Variants in ZNF618 observed in about 807,000 individuals in gnomAD.
ZNF618 encodes zinc finger protein 618.
ZNF618 carries 34 observed loss-of-function variants against 103.0 expected under a neutral mutation model. The observed-to-expected ratio is 0.33, with a 90% confidence interval of 0.25 to 0.44. ZNF618 has a LOEUF of 0.44. ZNF618 is among the 20% of genes least tolerant of loss of function. The pLI is 1.00. For missense variants in ZNF618, 1,059 were observed against 1,295.4 expected (o/e 0.82, Z 2.80); for synonymous variants, 551 against 542.2 (o/e 1.02, Z -0.23).
At chr9:113,952,037 C>T (rs1459290799) in intron 1 of ZNF618, among the ~76,000 whole-genome samples, 2 of 152,112 alleles carry the variant, frequency 1.3e-5, no homozygotes, top group Non-Finnish European at 2.9e-5. Context: ...GGTTTGCCAT[C>T]AGTTATGTGG....
intron 1 of ZNF618, among the ~76,000 whole-genome samples, chr9:113,906,547 A>G (rs1014594870): frequency 6.6e-6 from 1 of 152,210 alleles, no homozygotes; most frequent in Non-Finnish European, 1.5e-5. Context: ...GAACCTACAA[A>G]TGCCACATAA....
At chr9:114,016,273 C>A in intron 9 of ZNF618, 2 of 1,067,518 alleles carry the variant, frequency 1.9e-6, no homozygotes, top group Non-Finnish European at 1.4e-6. Flanking sequence ...GATGAGGGGA[C>A]CCCGGGTGTG....
intron 13 of ZNF618, among the ~76,000 whole-genome samples, chr9:114,040,185 C>A (rs1156792798): frequency 6.6e-6 from 1 of 152,108 alleles, no homozygotes; most frequent in Non-Finnish European, 1.5e-5. Flanking sequence ...CTTACCCTGC[C>A]CTAGCACTTT....
intron 10 of ZNF618, among the ~76,000 whole-genome samples, chr9:114,021,611 T>C (rs530074659): frequency 6.6e-6 from 1 of 152,228 alleles, no homozygotes; most frequent in Non-Finnish European, 1.5e-5. Context: ...GTGCCTGTTA[T>C]TTAAAGTGTA....
chr9:114,026,566 A>G (rs1253454398), intron 10 of ZNF618, among the ~76,000 whole-genome samples: 1 of 152,220 alleles, frequency 6.6e-6, no homozygotes, highest in Middle Eastern at 3.2e-3. Context: ...GGTCACTGCC[A>G]TGGAGAGCAG....
At chr9:114,048,053 TCTGC>T (rs1483311843) in intron 14 of ZNF618, 59 bp downstream of exon 14, 1 of 1,395,948 alleles carries the variant, frequency 7.2e-7, no homozygotes, top group East Asian at 2.5e-5. Context: ...GTTGTTCCTC[TCTGC>T]CCCCCATTCC....
chr9:114,007,580 C>A, intron 7 of ZNF618, 141 bp downstream of exon 7: 1 of 731,004 alleles, frequency 1.4e-6, no homozygotes, highest in South Asian at 1.8e-5. Flanking sequence ...AGGGGAATGA[C>A]CAGCCCTGGA....
chr9:114,028,472 C>G, intron 10 of ZNF618: 1 of 535,192 alleles, frequency 1.9e-6, no homozygotes, highest in Non-Finnish European at 3.3e-6. Context: ...AGTCCAGAGA[C>G]TGGGCTGGTC....
chr9:113,884,774 CAG>C (rs3034065), intron 1 of ZNF618, among the ~76,000 whole-genome samples: 52,378 of 141,116 alleles, frequency 0.37, 9,572 homozygotes, highest in South Asian at 0.49. Flanking sequence ...CACAAACACA[CAG>C]AGAGAGAGAG....
chr9:114,030,193 G>C (rs1384473237), intron 11 of ZNF618, among the ~76,000 whole-genome samples: 1 of 152,194 alleles, frequency 6.6e-6, no homozygotes, highest in Non-Finnish European at 1.5e-5. Context: ...TTGGGCAAGG[G>C]CGTGATTCTT....
intron 3 of ZNF618, among the ~76,000 whole-genome samples, chr9:113,996,829 G>A (rs1322173346): frequency 3.3e-5 from 5 of 152,156 alleles, no homozygotes; most frequent in Non-Finnish European, 7.4e-5. Context: ...TAAGGAAAGT[G>A]CCATGACTGA....
chr9:114,016,819 G>C (rs1288611346), intron 10 of ZNF618, 35 bp downstream of exon 10: 1 of 1,562,180 alleles, frequency 6.4e-7, no homozygotes, highest in Non-Finnish European at 8.8e-7. Context: ...TGGGGGTTGG[G>C]GGACCCGGGA....
At chr9:114,034,043 T>G (rs1844353720) in intron 12 of ZNF618, among the ~76,000 whole-genome samples, 1 of 152,238 alleles carries the variant, frequency 6.6e-6, no homozygotes, top group Non-Finnish European at 1.5e-5. Flanking sequence ...ATTCCTCCTC[T>G]GCTGTAAAGT....
chr9:113,892,876 T>A (rs1829729304), intron 1 of ZNF618, among the ~76,000 whole-genome samples: 1 of 152,242 alleles, frequency 6.6e-6, no homozygotes, highest in Non-Finnish European at 1.5e-5. Context: ...TTTGAAATGC[T>A]GTCTTTATCT....
In ZNF618 at chr9:113,998,276, G is replaced by C. The variant is rs1201731677; in HGVS notation, c.355G>C (p.Gly119Arg). The C allele has an allele frequency of 1.2e-5, 19 of 1,550,484 alleles. No homozygotes were observed. The highest frequency in any genetic ancestry group is 1.7e-4 in the Middle Eastern group (1 of 6,008). Residue 119 changes from glycine (G) to arginine (R), a missense_variant, in exon 4 of 15, where the codon GGC (glycine) becomes CGC (arginine). Coordinates refer to ENST00000374126, the MANE Select transcript of ZNF618 (RefSeq NM_001318042.2). ...QQTLDGKAPEGSPHGGSVRSR... is the reference protein window; with the variant it reads ...QQTLDGKAPERSPHGGSVRSR... ...TAATTCAGATGGAAAAGCGCCCGAAGGCAGCCCCCACGGTGGATCTGTGCG... is the reference window on the plus strand; with the variant it reads ...TAATTCAGATGGAAAAGCGCCCGAACGCAGCCCCCACGGTGGATCTGTGCG...
chr9:113,882,539 C>T (rs935063610), intron 1 of ZNF618, among the ~76,000 whole-genome samples: 1 of 152,182 alleles, frequency 6.6e-6, no homozygotes, highest in Non-Finnish European at 1.5e-5. Context: ...TCCTGGAAAC[C>T]TGGTGGCTTA....
chr9:113,964,998 G>GAA (rs372943322), intron 1 of ZNF618, among the ~76,000 whole-genome samples: 1,554 of 108,208 alleles, frequency 0.014, 28 homozygotes, highest in African/African-American at 0.05. Context: ...GCTTCATTCT[G>GAA]AAAAAAAAAA....
intron 1 of ZNF618, among the ~76,000 whole-genome samples, chr9:113,893,967 T>C (rs959464007): frequency 6.6e-6 from 1 of 152,192 alleles, no homozygotes; most frequent in African/African-American, 2.4e-5. Context: ...TGCTGACTTA[T>C]CATTATGAAA....
intron 5 of ZNF618, 112 bp downstream of exon 5, chr9:114,002,185 T>G (rs1223456440): frequency 2.2e-6 from 2 of 927,828 alleles, no homozygotes; most frequent in Non-Finnish European, 3.5e-6. Context: ...GCTCCAGCCT[T>G]TCCCATTCTC....
Sources: allele counts gnomAD v4.1 joint callset (sites outside exome capture counted in the v4.1 genomes callset), GRCh38; gene constraint gnomAD v4.1.1; transcripts MANE v1.5; gene names NCBI Gene and HGNC (gene_info 2026-07-23, HGNC 2026-07-21).